The following PEBP4 variants were observed in gnomAD, a reference collection of about 807,000 sequenced individuals.
The protein encoded by PEBP4 is phosphatidylethanolamine binding protein 4, also known as phosphatidylethanolamine-binding protein 4.
Under a neutral mutation model 23.9 loss-of-function variants are expected in PEBP4, and 22 were observed. That is an observed-to-expected ratio of 0.92 (90% CI 0.66 to 1.31). PEBP4 has a LOEUF of 1.31. Ranked by LOEUF, PEBP4 falls within the 40% of genes most tolerant of loss-of-function variation. PEBP4 has a pLI of 0.00. For missense variants in PEBP4, 324 were observed against 281.7 expected (o/e 1.15, Z -1.07); for synonymous variants, 112 against 99.3 (o/e 1.13, Z -0.76).
At chr8:22,877,434 C>T (rs1808144661) in intron 3 of PEBP4, among the ~76,000 whole-genome samples, 1 of 152,178 alleles carries the variant, frequency 6.6e-6, no homozygotes, top group Non-Finnish European at 1.5e-5. Flanking sequence ...GCCCTGACTC[C>T]AGTAGCCCAG....
chr8:22,803,603 G>A (rs1441307402), intron 4 of PEBP4, among the ~76,000 whole-genome samples: 1 of 152,136 alleles, frequency 6.6e-6, no homozygotes, highest in Admixed American at 6.5e-5. Context: ...GGCAGGGGTT[G>A]CAGTGAGCTG....
At chr8:22,780,180 T>C (rs1361711688) in intron 4 of PEBP4, among the ~76,000 whole-genome samples, 1 of 152,096 alleles carries the variant, frequency 6.6e-6, no homozygotes, top group Non-Finnish European at 1.5e-5. Flanking sequence ...CTCAGGCTGG[T>C]CTCAAACTCC....
chr8:22,898,390 C>A (rs2954159), intron 3 of PEBP4, among the ~76,000 whole-genome samples: 22,861 of 27,526 alleles, frequency 0.83, 9,116 homozygotes, highest in Middle Eastern at 0.92. Context: ...AGACTCCACC[C>A]CAAAAAAAAA....
At chr8:22,810,192 A>G (rs1263029121) in intron 4 of PEBP4, among the ~76,000 whole-genome samples, 1 of 152,148 alleles carries the variant, frequency 6.6e-6, no homozygotes, top group African/African-American at 2.4e-5. Flanking sequence ...TTGTTCCAAT[A>G]GGCTAGCCTT....
chr8:22,934,866 G>A (rs1809513217), intron 1 of PEBP4, among the ~76,000 whole-genome samples: 2 of 152,258 alleles, frequency 1.3e-5, no homozygotes, highest in East Asian at 1.9e-4. Context: ...ATTATATACT[G>A]TCCACAATAG....
At chr8:22,802,493 T>G (rs115661522) in intron 4 of PEBP4, among the ~76,000 whole-genome samples, 179 of 152,346 alleles carry the variant, frequency 1.2e-3, no homozygotes, top group African/African-American at 4.2e-3. Flanking sequence ...AAGGGCCCAC[T>G]CTGGTCTTCT....
chr8:22,819,764 G>A (rs544155865), intron 3 of PEBP4, among the ~76,000 whole-genome samples: 31 of 152,126 alleles, frequency 2.0e-4, no homozygotes, highest in African/African-American at 7.5e-4. Context: ...CCGCCACCAC[G>A]CCCAGCTAAT....
chr8:22,808,372 C>A (rs1806547411), intron 4 of PEBP4, among the ~76,000 whole-genome samples: 2 of 152,220 alleles, frequency 1.3e-5, no homozygotes, highest in African/African-American at 4.8e-5. Context: ...TTCCTCCATT[C>A]TTTATTCATT....
At chr8:22,785,931 C>A (rs1263682829) in intron 4 of PEBP4, among the ~76,000 whole-genome samples, 1 of 152,186 alleles carries the variant, frequency 6.6e-6, no homozygotes, top group Non-Finnish European at 1.5e-5. Context: ...CTTCTGTACC[C>A]CTGGATAGGT....
intron 3 of PEBP4, among the ~76,000 whole-genome samples, chr8:22,821,070 A>G (rs894879955): frequency 6.6e-6 from 1 of 151,994 alleles, no homozygotes; most frequent in Non-Finnish European, 1.5e-5. Context: ...GCCCATGCCT[A>G]TGGTTCCAGC....
intron 4 of PEBP4, among the ~76,000 whole-genome samples, chr8:22,751,105 A>C (rs1039441386): frequency 6.6e-6 from 1 of 152,196 alleles, no homozygotes. Context: ...ACTTGTGGTA[A>C]GACTCAGTGC....
chr8:22,737,537 T>TC lies in PEBP4; in HGVS notation c.358-10318dup, dbSNP rs201809773. Among the ~76,000 whole-genome samples the TC allele has an allele frequency of 6.3e-3, 936 of 147,602 alleles. 31 individuals carry two copies. Among genetic ancestry groups the TC allele is most frequent in the Admixed American group, 0.052 (780 of 14,904 alleles). On this transcript the variant is annotated intron_variant, in intron 4 of 6. Coordinates refer to ENST00000256404, the MANE Select transcript of PEBP4 (RefSeq NM_144962.3). ...CCGCTAAGGTGCAGGATCCCCCCAC[T>TC]CCCCCCGCCTTGGAGAGCAAAGGCT...
chr8:22,921,629 C>T (rs1163787689), intron 2 of PEBP4, among the ~76,000 whole-genome samples: 1 of 152,210 alleles, frequency 6.6e-6, no homozygotes, highest in African/African-American at 2.4e-5. Context: ...GCCAGCGCCC[C>T]CAGTGCCAGA....
At chr8:22,842,826 AATTTTT>A (rs1807355821) in intron 3 of PEBP4, among the ~76,000 whole-genome samples, 2 of 151,942 alleles carry the variant, frequency 1.3e-5, no homozygotes, top group African/African-American at 2.4e-5. Flanking sequence ...ACAGGCCCTG[AATTTTT>A]ATTTTTATTT....
chr8:22,743,251 G>GGCTACTGGCCAGGAGGCT (rs1554480551), intron 4 of PEBP4, among the ~76,000 whole-genome samples: 2 of 152,070 alleles, frequency 1.3e-5, no homozygotes, highest in Non-Finnish European at 1.5e-5. Context: ...GGAGGCTACT[G>GGCTACTGGCCAGGAGGCT]ACCTCCTGGG....
At chr8:22,880,795 G>A (rs1808237298) in intron 3 of PEBP4, among the ~76,000 whole-genome samples, 3 of 152,322 alleles carry the variant, frequency 2.0e-5, no homozygotes, top group South Asian at 4.1e-4. Flanking sequence ...GCTCTGGCAG[G>A]GGCAGCCTAG....
intron 3 of PEBP4, among the ~76,000 whole-genome samples, chr8:22,901,664 G>T: frequency 6.6e-6 from 1 of 152,200 alleles, no homozygotes; most frequent in East Asian, 1.9e-4. Flanking sequence ...AAAGGATCCC[G>T]GGCTGGGGGA....
At chr8:22,905,479 C>CT (rs1300832175) in intron 3 of PEBP4, among the ~76,000 whole-genome samples, 1 of 152,188 alleles carries the variant, frequency 6.6e-6, no homozygotes, top group East Asian at 1.9e-4. Context: ...CTTTTTATCC[C>CT]TTTGTCCTTT....
At chr8:22,835,167 T>C (rs1009537248) in intron 3 of PEBP4, among the ~76,000 whole-genome samples, 2 of 152,180 alleles carry the variant, frequency 1.3e-5, no homozygotes, top group African/African-American at 4.8e-5. Flanking sequence ...TTACTGTCAC[T>C]AAGGTATAGT....
Sources: gnomAD v4.1 joint callset for allele counts (sites outside exome capture counted in the v4.1 genomes callset) on GRCh38, gnomAD v4.1.1 for gene constraint, MANE v1.5 for transcripts, NCBI Gene and HGNC (gene_info 2026-07-23, HGNC 2026-07-21) for gene names.